Variants in WDR72 observed in about 807,000 individuals in gnomAD.
WDR72 encodes WD repeat-containing protein 72.
Under a neutral mutation model 124.2 loss-of-function variants are expected in WDR72, and 120 were observed. That is an observed-to-expected ratio of 0.97 (90% CI 0.83 to 1.12). WDR72 has a LOEUF of 1.12. Ranked by LOEUF, WDR72 falls within the 50% of genes most tolerant of loss-of-function variation. WDR72 has a pLI of 0.00. For synonymous variants in WDR72, 452 were observed against 441.7 expected (o/e 1.02, Z -0.29); for missense variants, 1,387 against 1,278.8 (o/e 1.08, Z -1.29).
intron 13 of WDR72, among the ~76,000 whole-genome samples, chr15:53,698,390 T>C (rs1351345079): frequency 2.0e-5 from 3 of 152,236 alleles, no homozygotes; most frequent in African/African-American, 7.2e-5. Flanking sequence ...TACAGGCTTA[T>C]ATTTTATAAG....
At chr15:53,751,921 T>C (rs556238699) in intron 1 of WDR72, among the ~76,000 whole-genome samples, 2 of 152,334 alleles carry the variant, frequency 1.3e-5, no homozygotes, top group African/African-American at 4.8e-5. Context: ...ATAAGGTTGA[T>C]GTGAGTAAAT....
intron 1 of WDR72, among the ~76,000 whole-genome samples, chr15:53,737,219 C>T (rs1953438399): frequency 6.6e-6 from 1 of 152,156 alleles, no homozygotes; most frequent in Non-Finnish European, 1.5e-5. Flanking sequence ...GACTAAATTG[C>T]TGTTAAAACA....
At chr15:53,669,508 T>G (rs924582017) in intron 13 of WDR72, among the ~76,000 whole-genome samples, 7 of 152,192 alleles carry the variant, frequency 4.6e-5, no homozygotes, top group Non-Finnish European at 7.3e-5. Context: ...TCTCTCATAT[T>G]CAAATTCTTT....
At chr15:53,563,037 T>C (rs1894179304) in intron 18 of WDR72, among the ~76,000 whole-genome samples, 1 of 151,820 alleles carries the variant, frequency 6.6e-6, no homozygotes, top group Admixed American at 6.6e-5. Context: ...AAAATTTATC[T>C]CAGTGATTTA....
At chr15:53,536,439 A>G (rs1421372837) in intron 18 of WDR72, among the ~76,000 whole-genome samples, 1 of 152,158 alleles carries the variant, frequency 6.6e-6, no homozygotes, top group Non-Finnish European at 1.5e-5. Context: ...ACTTTCAACA[A>G]TGAGTCCCAA....
At chr15:53,682,508 G>A (rs1033889560) in intron 13 of WDR72, among the ~76,000 whole-genome samples, 2 of 151,906 alleles carry the variant, frequency 1.3e-5, no homozygotes, top group African/African-American at 2.4e-5. Context: ...CTGTATTTTT[G>A]CTCTGATTTT....
chr15:53,633,538 A>C (rs748276970), intron 14 of WDR72, among the ~76,000 whole-genome samples: 1 of 152,228 alleles, frequency 6.6e-6, no homozygotes, highest in Non-Finnish European at 1.5e-5. Flanking sequence ...AAATAAAATT[A>C]ACAAAACAAT....
Position 53,613,728 on chromosome 15 carries a change from T to G in WDR72, c.2810A>C (p.Lys937Thr). 2 of 1,609,660 alleles carry G rather than the reference T, an allele frequency of 1.2e-6. No individual in the cohort carries two copies. The highest frequency in any genetic ancestry group is 1.7e-6 in the Non-Finnish European group (2 of 1,177,004). Residue 937 changes from lysine to threonine, a missense_variant, in exon 16 of 20, where the codon AAG becomes ACG. Transcript: ENST00000360509. ...SSFRMESIHN[K>T]MRGAGNDILN... ...AATGTCATTCCCAGCACCTCTCATC[T>G]TATTATGTATACTTTCCATTCTGAA...
chr15:53,681,450 C>T (rs1237785853), intron 13 of WDR72, among the ~76,000 whole-genome samples: 2 of 152,062 alleles, frequency 1.3e-5, no homozygotes, highest in African/African-American at 4.8e-5. Flanking sequence ...GTAGGTGAAG[C>T]CCCCGTAAAC....
intron 3 of WDR72, among the ~76,000 whole-genome samples, chr15:53,721,218 A>G (rs2017867045): frequency 6.6e-6 from 1 of 152,192 alleles, no homozygotes. Context: ...CTCTTCAACA[A>G]TATTTACAGG....
intron 18 of WDR72, among the ~76,000 whole-genome samples, chr15:53,526,230 C>A (rs867708690): frequency 2.0e-5 from 3 of 151,940 alleles, no homozygotes; most frequent in Non-Finnish European, 2.9e-5. Flanking sequence ...AGTAGGAACA[C>A]CGGAGAAGAC....
In WDR72 at chr15:53,651,313, AGACTGTCTATCAAACT is replaced by A. The variant is rs2015232312; in HGVS notation, c.1962+14243_1962+14258del. ...CCACCCAGGCTATCGTAAACCCCTA[AGACTGTCTATCAAACT>A]GCCCAACATTAATTCCCTGCAGAGC... On this transcript the variant is annotated intron_variant, in intron 14 of 19. Transcript: ENST00000360509. Among the ~76,000 whole-genome samples the A allele has an allele frequency of 2.6e-5, 4 of 152,140 alleles. No individual in the cohort carries two copies. In the South Asian group the frequency reaches 6.2e-4, roughly 24 times the overall value.
At chr15:53,751,035 A>G (rs1454304698) in intron 1 of WDR72, among the ~76,000 whole-genome samples, 1 of 152,194 alleles carries the variant, frequency 6.6e-6, no homozygotes, top group Non-Finnish European at 1.5e-5. Flanking sequence ...CAGGGTTTAA[A>G]AGGATTGACT....
chr15:53,558,699 G>A (rs541641399), intron 18 of WDR72, among the ~76,000 whole-genome samples: 1 of 152,112 alleles, frequency 6.6e-6, no homozygotes, highest in African/African-American at 2.4e-5. Flanking sequence ...AAAGAACCCT[G>A]TAATGTATTC....
intron 18 of WDR72, among the ~76,000 whole-genome samples, chr15:53,557,557 G>A (rs1364836895): frequency 1.3e-5 from 2 of 152,020 alleles, no homozygotes; most frequent in Non-Finnish European, 2.9e-5. Context: ...TGATCTACGA[G>A]CAATGTATGC....
intron 14 of WDR72, among the ~76,000 whole-genome samples, chr15:53,661,994 A>G (rs986307063): frequency 6.6e-6 from 1 of 152,176 alleles, no homozygotes; most frequent in Non-Finnish European, 1.5e-5. Flanking sequence ...CAGAAAAAGA[A>G]TTTAAAAGCA....
chr15:53,624,871 A>G (rs1255966122), intron 14 of WDR72, among the ~76,000 whole-genome samples: 1 of 152,232 alleles, frequency 6.6e-6, no homozygotes, highest in African/African-American at 2.4e-5. Context: ...CATTTTGGAT[A>G]TAAGTAACAC....
chr15:53,566,939 C>A (rs1410933105), intron 18 of WDR72, among the ~76,000 whole-genome samples: 1 of 151,914 alleles, frequency 6.6e-6, no homozygotes, highest in Non-Finnish European at 1.5e-5. Flanking sequence ...CTTTCTCTAG[C>A]CTGGCTGAGA....
chr15:53,716,859 T>A (rs1191501575), intron 3 of WDR72, among the ~76,000 whole-genome samples, 174 bp from the exon 4 acceptor site: 1 of 152,192 alleles, frequency 6.6e-6, no homozygotes, highest in Non-Finnish European at 1.5e-5. Flanking sequence ...TGTATCTGTA[T>A]CTTTTTGTTT....
Sources: gnomAD v4.1 joint callset for allele counts (sites outside exome capture counted in the v4.1 genomes callset) on GRCh38, gnomAD v4.1.1 for gene constraint, MANE v1.5 for transcripts, NCBI Gene and HGNC (gene_info 2026-07-23, HGNC 2026-07-21) for gene names.